MAP2K6: variants seen among roughly 807,000 people sequenced by gnomAD.
MAP2K6 encodes dual specificity mitogen-activated protein kinase kinase 6.
MAP2K6 carries 16 observed loss-of-function variants against 53.7 expected under a neutral mutation model. The observed-to-expected ratio is 0.30, with a 90% CI of 0.20 to 0.45. The LOEUF (loss-of-function observed/expected upper bound fraction) is 0.45, where lower values mean the gene tolerates loss of function less well. Among genes scored for constraint, MAP2K6 ranks in the 20% least tolerant of loss-of-function variants. The probability of loss-of-function intolerance (pLI) is 1.00; values close to 1 mark genes in which losing one functional copy is unlikely to be tolerated. For missense variants in MAP2K6, 204 were observed against 411.9 expected, an observed-to-expected ratio of 0.50 and a Z score of 4.37; for synonymous variants, 132 against 143.1, an observed-to-expected ratio of 0.92 and a Z score of 0.55.
At chr17:69,511,506 G>A (rs1359724924) in intron 2 of MAP2K6, among the ~76,000 whole-genome samples, 1 of 152,180 alleles carries the variant, frequency 6.6e-6, no homozygotes, top group Non-Finnish European at 1.5e-5. Flanking sequence ...AGCTACCGAT[G>A]CCAGTGTGAG....
intron 2 of MAP2K6, among the ~76,000 whole-genome samples, chr17:69,513,706 G>GTA (rs1295768159): frequency 6.6e-6 from 1 of 152,062 alleles, no homozygotes; most frequent in Non-Finnish European, 1.5e-5. Context: ...CTGAGCCCTG[G>GTA]TATATATATA....
rs576880105 is a variant in MAP2K6, at chr17:69,424,555, G to A, written c.16+9555G>A. Among the ~76,000 whole-genome samples, 31 of 152,300 alleles carry A rather than the reference G, an allele frequency of 2.0e-4. No individual in the cohort carries two copies. The Middle Eastern group carries it at 0.01, about 50-fold the overall frequency. ...CCAAACCGATAGTGGCAGAGCAGAG[G>A]TTTTAGCCAAGGTCTGTCTGACCTC... On this transcript the variant is annotated intron_variant, in intron 1 of 11. Transcript: ENST00000590474.
At chr17:69,502,348 C>G (rs1909212053) in intron 1 of MAP2K6, 1 of 985,322 alleles carries the variant, frequency 1.0e-6, no homozygotes, top group African/African-American at 1.7e-5. Flanking sequence ...GTCTTCCTTG[C>G]AGCCTCGAAA....
Position 69,523,364 on chromosome 17 carries a change from T to C in MAP2K6, c.536-150T>C. 2 of 836,590 alleles carry C rather than the reference T, an allele frequency of 2.4e-6. 1 individual carries two copies. Among genetic ancestry groups the C allele is most frequent in the Non-Finnish European group, 3.9e-6 (2 of 512,768 alleles). The allele number at this position is 836,590 out of a possible 1,614,324, so 51.8% of individuals were successfully genotyped here. A position where few individuals can be genotyped will look rare whatever the true frequency, so the allele number is the denominator to read the frequency against. ...TTGAAAGCAATAAGCTGTTGTTAAC[T>C]GTGGGTCAGGGATGGCAGTTACTTC... On this transcript the variant is annotated intron_variant, in intron 7 of 11. Coordinates refer to ENST00000590474, the MANE Select transcript of MAP2K6 (RefSeq NM_002758.4).
At chr17:69,463,381 ATG>A (rs1907687035) in intron 1 of MAP2K6, among the ~76,000 whole-genome samples, 1 of 149,256 alleles carries the variant, frequency 6.7e-6, no homozygotes, top group South Asian at 2.1e-4. Flanking sequence ...GTGTATATAT[ATG>A]TGTATCTATA....
Position 69,517,397 on chromosome 17 carries a change from A to G in MAP2K6, c.133-103A>G. Reference sequence around the variant, plus strand: ...ATGCTAGAAAATCTTCTGGCCCAGAAATAATCCTTAGAACATTGAGAGAAA... The same window carrying G: ...ATGCTAGAAAATCTTCTGGCCCAGAGATAATCCTTAGAACATTGAGAGAAA... On this transcript the variant is annotated intron_variant, in intron 3 of 11. Transcript: ENST00000590474. The G allele has an allele frequency of 1.4e-5, 8 of 579,740 alleles. No individual in the cohort carries two copies. In the South Asian group the frequency reaches 3.1e-4, roughly 22 times the overall value. 35.9% of individuals were successfully genotyped at this position (579,740 alleles called of 1,614,324 possible).
At chr17:69,439,942 G>C (rs1906763665) in intron 1 of MAP2K6, among the ~76,000 whole-genome samples, 1 of 152,180 alleles carries the variant, frequency 6.6e-6, no homozygotes, top group East Asian at 1.9e-4. Context: ...TTACGAAGTT[G>C]CTACTATTAT....
At chr17:69,468,744 C>G (rs1907893615) in intron 1 of MAP2K6, among the ~76,000 whole-genome samples, 2 of 152,192 alleles carry the variant, frequency 1.3e-5, no homozygotes, top group Admixed American at 1.3e-4. Flanking sequence ...AAAGCCCCTT[C>G]ATCATCCCTC....
chr17:69,505,868 C>G (rs758019334), intron 2 of MAP2K6, 22 bp downstream of exon 2: 1 of 1,604,996 alleles, frequency 6.2e-7, no homozygotes, highest in East Asian at 2.2e-5. Context: ...AGACCATCAT[C>G]TGAATCCAAA....
intron 11 of MAP2K6, among the ~76,000 whole-genome samples, chr17:69,540,405 A>G (rs1304004189): frequency 6.6e-6 from 1 of 152,216 alleles, no homozygotes; most frequent in Admixed American, 6.5e-5. Flanking sequence ...TTCTACCTGT[A>G]AGAATTATCC....
chr17:69,447,725 A>G (rs1443864249), intron 1 of MAP2K6, among the ~76,000 whole-genome samples: 1 of 152,234 alleles, frequency 6.6e-6, no homozygotes, highest in Non-Finnish European at 1.5e-5. Context: ...GAAAGAAAGA[A>G]ATAGAGCAAT....
At position 69,463,710 on chromosome 17, in the gene MAP2K6, A is replaced by G. The variant is rs138799034; in HGVS notation, c.17-42070A>G. Reference sequence around the variant, plus strand: ...CACACATATATACACACAAATACATATATGTATATTAGTGAATCTACTTAG... The same window carrying G: ...CACACATATATACACACAAATACATGTATGTATATTAGTGAATCTACTTAG... On this transcript the variant is annotated intron_variant, in intron 1 of 11. Transcript: ENST00000590474. 5.5e-4 allele frequency among the ~76,000 whole-genome samples: 84 copies of G among 151,812 alleles called. 1 individual carries two copies. The East Asian group carries it at 0.015, about 27-fold the overall frequency.
intron 1 of MAP2K6, chr17:69,433,243 C>G (rs1482265424): frequency 6.6e-6 from 1 of 152,180 alleles, no homozygotes; most frequent in African/African-American, 2.4e-5. Context: ...GCAATTATGA[C>G]CGAGAGAGAT....
Position 69,543,640 on chromosome 17 carries a change from C to T in MAP2K6, c.*1887C>T, listed in dbSNP as rs905280288. ...AGAAAAATTACAATTGTATTCCTTACTTTATTCACCCACCTATGAAAACAG... is the reference window on the plus strand; with the variant it reads ...AGAAAAATTACAATTGTATTCCTTATTTTATTCACCCACCTATGAAAACAG... On this transcript the variant is annotated 3_prime_UTR_variant, in exon 12 of 12. Transcript: ENST00000590474. The T allele has an allele frequency of 6.6e-6, 1 of 152,086 alleles. No homozygotes were observed. The highest frequency in any genetic ancestry group is 1.5e-5 in the Non-Finnish European group (1 of 68,012). The allele number at this position is 152,086 out of a possible 1,614,324, so 9.4% of individuals were successfully genotyped here.
intron 1 of MAP2K6, among the ~76,000 whole-genome samples, chr17:69,460,318 T>C (rs1161793010): frequency 6.6e-6 from 1 of 152,190 alleles, no homozygotes; most frequent in East Asian, 1.9e-4. Flanking sequence ...GTGCTTGAGC[T>C]GAATGTCAAA....
chr17:69,537,830 G>A (rs552013723), intron 11 of MAP2K6, among the ~76,000 whole-genome samples: 1 of 152,286 alleles, frequency 6.6e-6, no homozygotes, highest in South Asian at 2.1e-4. Context: ...TCCTAGCATA[G>A]TACATGTTTA....
At chr17:69,497,577 A>C (rs1267924160) in intron 1 of MAP2K6, among the ~76,000 whole-genome samples, 1 of 152,000 alleles carries the variant, frequency 6.6e-6, no homozygotes, top group Non-Finnish European at 1.5e-5. Flanking sequence ...ACTGAAAAAC[A>C]TACATGACTT....
In MAP2K6 at chr17:69,533,378, A is replaced by G. The variant is rs147537717; in HGVS notation, c.882-2737A>G. On this transcript the variant is annotated intron_variant, in intron 10 of 11. Transcript: ENST00000590474. Reference sequence around the variant, plus strand: ...TGTTTAAGCTCATCTATCTGTTGGAAAGAGACAGTCATTTTATCTTTTCTG... The same window carrying G: ...TGTTTAAGCTCATCTATCTGTTGGAGAGAGACAGTCATTTTATCTTTTCTG... Among the ~76,000 whole-genome samples the G allele has an allele frequency of 2.0e-4, 31 of 152,350 alleles. No individual in the cohort carries two copies. In the East Asian group the frequency reaches 5.0e-3, roughly 25 times the overall value.
chr17:69,536,492 A>G (rs552206635), intron 11 of MAP2K6, among the ~76,000 whole-genome samples: 1 of 152,356 alleles, frequency 6.6e-6, no homozygotes, highest in African/African-American at 2.4e-5. Context: ...GGAAAGTATG[A>G]TTTAAGAGAT....
Sources: gnomAD v4.1 joint callset for allele counts (sites outside exome capture counted in the v4.1 genomes callset) on GRCh38, gnomAD v4.1.1 for gene constraint, MANE v1.5 for transcripts, NCBI Gene and HGNC (gene_info 2026-07-23, HGNC 2026-07-21) for gene names.